The following SCFD2 variants were observed in gnomAD, a reference collection of about 807,000 sequenced individuals.
SCFD2 encodes the protein sec1 family domain containing 2.
A neutral mutation model predicts 58.9 loss-of-function variants in SCFD2; 54 were observed. The observed-to-expected ratio is 0.92, with a 90% CI of 0.74 to 1.15. SCFD2 has a LOEUF of 1.15. Ranked by LOEUF, SCFD2 falls within the 50% of genes most tolerant of loss-of-function variation. SCFD2 has a pLI of 0.00. For missense variants in SCFD2, 805 were observed against 836.6 expected, an observed-to-expected ratio of 0.96 and a Z score of 0.47; for synonymous variants, 321 against 335.9, an observed-to-expected ratio of 0.96 and a Z score of 0.49.
At chr4:52,920,623 C>T (rs1215571071) in intron 6 of SCFD2, 102 bp downstream of exon 6, 51 of 757,432 alleles carry the variant, frequency 6.7e-5, no homozygotes, top group Non-Finnish European at 8.0e-6. Flanking sequence ...CTAGAACAAA[C>T]CTTTGGTTTT....
At chr4:53,269,027 C>G (rs895619817) in intron 4 of SCFD2, among the ~76,000 whole-genome samples, 1 of 152,124 alleles carries the variant, frequency 6.6e-6, no homozygotes, top group African/African-American at 2.4e-5. Context: ...TAGACTAGAG[C>G]TATGATATTA....
chr4:53,340,473 TG>T (rs1330868900), intron 2 of SCFD2, among the ~76,000 whole-genome samples: 2 of 152,206 alleles, frequency 1.3e-5, no homozygotes, highest in Non-Finnish European at 2.9e-5. Flanking sequence ...AAGCTAGAAC[TG>T]GGTGGAGCCC....
chr4:52,929,109 A>G (rs1002620302), intron 5 of SCFD2, among the ~76,000 whole-genome samples: 11 of 152,186 alleles, frequency 7.2e-5, no homozygotes, highest in Admixed American at 7.2e-4. Context: ...TTAACAAGCA[A>G]AACTAAACTA....
intron 4 of SCFD2, among the ~76,000 whole-genome samples, chr4:53,225,022 A>G (rs1729160858): frequency 6.6e-6 from 1 of 152,184 alleles, no homozygotes; most frequent in Non-Finnish European, 1.5e-5. Context: ...CATGCATTCC[A>G]TCAATCTCAC....
chr4:53,130,236 C>T (rs1390411465), intron 5 of SCFD2, among the ~76,000 whole-genome samples: 2 of 152,028 alleles, frequency 1.3e-5, no homozygotes, highest in Non-Finnish European at 2.9e-5. Context: ...GTTTTTAAGA[C>T]ACTGTTTTTA....
intron 5 of SCFD2, among the ~76,000 whole-genome samples, chr4:52,965,599 C>G (rs973729478): frequency 2.6e-5 from 4 of 152,230 alleles, no homozygotes; most frequent in African/African-American, 9.7e-5. Context: ...GGGTGTGGAG[C>G]AGAGCACCCA....
At chr4:53,207,128 C>T (rs1327330088) in intron 4 of SCFD2, among the ~76,000 whole-genome samples, 9 of 151,924 alleles carry the variant, frequency 5.9e-5, no homozygotes, top group African/African-American at 2.2e-4. Context: ...GATAACTAAC[C>T]TGCTCCCATG....
intron 4 of SCFD2, among the ~76,000 whole-genome samples, chr4:53,176,566 T>C (rs151039197): frequency 6.6e-6 from 1 of 152,352 alleles, no homozygotes; most frequent in East Asian, 1.9e-4. Flanking sequence ...ATAACTACCA[T>C]GCTAAACAAA....
chr4:53,274,007 A>G lies in SCFD2; in HGVS notation c.1136-6T>C, dbSNP rs1387591157. ...CTGTCCCGGTGTGACTCTCCCTGGA[A>G]ACATAAGAATTTATCAGTGTACCCC... On this transcript the variant is annotated splice_region_variant and splice_polypyrimidine_tract_variant and intron_variant, in intron 3 of 8. Transcript: ENST00000401642. 1.9e-6 allele frequency: 3 copies of G among 1,606,462 alleles called. No homozygotes were observed. The highest frequency in any genetic ancestry group is 1.1e-5 in the South Asian group (1 of 89,272).
intron 4 of SCFD2, among the ~76,000 whole-genome samples, chr4:53,213,573 T>C (rs896309219): frequency 3.9e-5 from 6 of 152,114 alleles, no homozygotes; most frequent in African/African-American, 1.2e-4. Context: ...TGCAGGCAAA[T>C]ACAGGATATA....
At chr4:52,993,186 T>C (rs965739398) in intron 5 of SCFD2, among the ~76,000 whole-genome samples, 1 of 152,026 alleles carries the variant, frequency 6.6e-6, no homozygotes, top group African/African-American at 2.4e-5. Flanking sequence ...AAACAGATGC[T>C]TGAAGGCAGC....
chr4:53,008,910 T>C (rs1021937615), intron 5 of SCFD2, among the ~76,000 whole-genome samples: 1 of 152,186 alleles, frequency 6.6e-6, no homozygotes, highest in Non-Finnish European at 1.5e-5. Flanking sequence ...ATGAGTTTCT[T>C]CTATGTACTT....
At chr4:53,087,424 C>G (rs1724337763) in intron 5 of SCFD2, among the ~76,000 whole-genome samples, 1 of 152,086 alleles carries the variant, frequency 6.6e-6, no homozygotes, top group Non-Finnish European at 1.5e-5. Context: ...AACCTCACCT[C>G]CCGGGTTCAA....
intron 1 of SCFD2, among the ~76,000 whole-genome samples, chr4:53,354,868 C>T (rs1178820878): frequency 6.6e-6 from 1 of 150,746 alleles, no homozygotes; most frequent in African/African-American, 2.4e-5. Context: ...TCACTGTAGC[C>T]TTGAACTCTG....
At chr4:53,278,883 C>G (rs1731423117) in intron 3 of SCFD2, among the ~76,000 whole-genome samples, 1 of 132,796 alleles carries the variant, frequency 7.5e-6, no homozygotes. Flanking sequence ...CACAGATGCT[C>G]TAAAAAAAAA....
intron 4 of SCFD2, among the ~76,000 whole-genome samples, chr4:53,244,215 A>T (rs191596965): frequency 1.0e-3 from 154 of 152,150 alleles, no homozygotes; most frequent in Non-Finnish European, 1.9e-3. Flanking sequence ...CAGGACCTGA[A>T]CTCAACACTG....
chr4:53,213,981 G>T (rs1428944561), intron 4 of SCFD2, among the ~76,000 whole-genome samples: 1 of 152,054 alleles, frequency 6.6e-6, no homozygotes, highest in Non-Finnish European at 1.5e-5. Context: ...CAAAGGACAT[G>T]AACTCATCCT....
chr4:53,330,449 T>C (rs954054574), intron 2 of SCFD2, among the ~76,000 whole-genome samples: 23 of 152,020 alleles, frequency 1.5e-4, no homozygotes, highest in African/African-American at 5.3e-4. Flanking sequence ...TTCAACATTC[T>C]TAAAGAAAAG....
chr4:53,248,541 G>A (rs1308415584), intron 4 of SCFD2, among the ~76,000 whole-genome samples: 1 of 152,204 alleles, frequency 6.6e-6, no homozygotes, highest in Non-Finnish European at 1.5e-5. Flanking sequence ...GCTTTGAAGA[G>A]AGCAGTGGTT....
Sources: gnomAD v4.1 joint callset for allele counts (sites outside exome capture counted in the v4.1 genomes callset) on GRCh38, gnomAD v4.1.1 for gene constraint, MANE v1.5 for transcripts, NCBI Gene and HGNC (gene_info 2026-07-23, HGNC 2026-07-21) for gene names.